PRDM6: variants seen among roughly 807,000 people sequenced by gnomAD.
PRDM6 encodes PR/SET domain 6.
In PRDM6, 25 loss-of-function variants were observed where a neutral mutation model predicts 60.8. The observed-to-expected ratio is 0.41, with a 90% CI of 0.30 to 0.57. The LOEUF (loss-of-function observed/expected upper bound fraction) is 0.57, where lower values mean the gene tolerates loss of function less well. Ranked by LOEUF, PRDM6 falls within the 20% of genes least tolerant of loss-of-function variation. The probability of loss-of-function intolerance (pLI) is 0.27; values close to 1 mark genes in which losing one functional copy is unlikely to be tolerated. For missense variants in PRDM6, 839 were observed against 821.3 expected (o/e 1.02, Z -0.26); for synonymous variants, 407 against 357.4 (o/e 1.14, Z -1.57).
chr5:123,090,039 G>A lies in PRDM6; in HGVS notation c.25G>A (p.Gly9Ser), dbSNP rs1283771301. The A allele has an allele frequency of 1.9e-6, 3 of 1,548,108 alleles. No individual in the cohort carries two copies. The highest frequency in any genetic ancestry group is 1.7e-4 in the Middle Eastern group (1 of 5,970). The stretch of plus-strand genomic sequence containing the variant: ...CATGCTGAAGCCCGGAGACCCCGGC[G>A]GTTCGGCCTTCCTCAAAGTGGACCC... MLKPGDPG[G>S]SAFLKVDPAY... Residue 9 changes from glycine (G) to serine (S), a missense_variant, in exon 2 of 8, where the codon GGT (glycine) becomes AGT (serine). Physicochemically the swap from Gly to Ser is moderately conservative, Grantham distance 56. Around this residue, in one of 2 missense-constraint regions of PRDM6, gnomAD observed 730 missense variants for 648.8 expected, o/e 1.13. Coordinates refer to ENST00000407847, the MANE Select transcript of PRDM6 (RefSeq NM_001136239.4).
chr5:123,126,008 G>T (rs866270042), intron 3 of PRDM6, among the ~76,000 whole-genome samples: 13 of 151,806 alleles, frequency 8.6e-5, no homozygotes, highest in African/African-American at 3.1e-4. Flanking sequence ...GTGTGGGTGG[G>T]TTGGGGGGAG....
In PRDM6 at chr5:123,146,694, A is replaced by T. The variant is rs116615475; in HGVS notation, c.901-9190A>T. On this transcript the variant is annotated intron_variant, in intron 3 of 7. Coordinates refer to ENST00000407847, the MANE Select transcript of PRDM6 (RefSeq NM_001136239.4). ...CATTTGCTAGCCACAGTCTGAGATT[A>T]TTTGCAAGGCAGGATTCTCTGATGC... 6.5e-3 allele frequency among the ~76,000 whole-genome samples: 988 copies of T among 152,280 alleles called. 13 individuals carry two copies. Among genetic ancestry groups the T allele is most frequent in the African/African-American group, 0.023 (943 of 41,566 alleles).
rs1764059228 is a variant in PRDM6, at chr5:123,099,868, G to A, written c.807G>A (p.Gln269=). The change falls in exon 3 of 8, where the codon CAG becomes CAA. Residue 269 remains glutamine (Q), a synonymous_variant. Transcript: ENST00000407847. The surrounding 1 kb of genome is among the most constrained non-coding windows in gnomAD (Gnocchi z 4.0). ...GCATCTGCGCGGCGCAGAGGATCCA[G>A]CAAGGCACCTGGATTGGACCTTTCC... ...AYGICAAQRI[Q]QGTWIGPFQG... 1 of 1,550,522 alleles carries A rather than the reference G, an allele frequency of 6.4e-7. No homozygotes were observed. The highest frequency in any genetic ancestry group is 8.7e-7 in the Non-Finnish European group (1 of 1,146,758).
chr5:123,129,424 C>T (rs577171297), intron 3 of PRDM6, among the ~76,000 whole-genome samples: 21 of 152,072 alleles, frequency 1.4e-4, no homozygotes, highest in Non-Finnish European at 2.1e-4. Flanking sequence ...TGTTAGCGTC[C>T]TCTTGTATTT....
At chr5:123,102,030 GGGT>G (rs1764115314) in intron 3 of PRDM6, among the ~76,000 whole-genome samples, 1 of 152,114 alleles carries the variant, frequency 6.6e-6, no homozygotes, top group East Asian at 1.9e-4. Context: ...AAGACTTGCT[GGGT>G]GTATGCTTGG....
In PRDM6 at chr5:123,099,424, T is replaced by C. The variant is rs898408718; in HGVS notation, c.593-230T>C. On this transcript the variant is annotated intron_variant, in intron 2 of 7. Transcript: ENST00000407847. This position sits in a 1 kb window ranked among gnomAD's most constrained non-coding sequence, Gnocchi z 4.0. The stretch of plus-strand genomic sequence containing the variant: ...AGGCTTTTTGGGGAGCCTAGAGTCC[T>C]GGCCCGGTACCAGGCAGATCTGGGT... 6.6e-6 allele frequency among the ~76,000 whole-genome samples: 1 copy of C among 152,212 alleles called. No individual in the cohort carries two copies. Among genetic ancestry groups the C allele is most frequent in the African/African-American group, 2.4e-5 (1 of 41,460 alleles).
chr5:123,112,282 G>A (rs1383637023), intron 3 of PRDM6, among the ~76,000 whole-genome samples: 1 of 152,178 alleles, frequency 6.6e-6, no homozygotes, highest in Non-Finnish European at 1.5e-5. Flanking sequence ...TCTTAGCAGT[G>A]CTGCATCCAG....
chr5:123,166,260 A>G (rs1331945267), intron 5 of PRDM6, among the ~76,000 whole-genome samples: 1 of 152,024 alleles, frequency 6.6e-6, no homozygotes, highest in Non-Finnish European at 1.5e-5. Flanking sequence ...ACAAGACTCT[A>G]TGGCAAAGCT....
At chr5:123,148,754 A>G (rs1765306245) in intron 3 of PRDM6, among the ~76,000 whole-genome samples, 1 of 152,230 alleles carries the variant, frequency 6.6e-6, no homozygotes, top group African/African-American at 2.4e-5. Context: ...TTTGATTGAT[A>G]AAGAACTTTA....
intron 3 of PRDM6, among the ~76,000 whole-genome samples, chr5:123,109,947 A>G: frequency 6.6e-6 from 1 of 152,226 alleles, no homozygotes; most frequent in East Asian, 1.9e-4. Context: ...TGAATAGAAG[A>G]TCATCTCAGT....
intron 3 of PRDM6, among the ~76,000 whole-genome samples, chr5:123,147,462 AAGAT>A (rs1302347963): frequency 2.0e-5 from 3 of 152,186 alleles, no homozygotes; most frequent in Admixed American, 6.5e-5. Context: ...AAGAGGGAAA[AAGAT>A]AGGTTTGTAG....
intron 3 of PRDM6, among the ~76,000 whole-genome samples, chr5:123,116,713 C>G (rs1489682045): frequency 6.6e-6 from 1 of 151,988 alleles, no homozygotes; most frequent in Non-Finnish European, 1.5e-5. Context: ...CCTGTTGGGA[C>G]CTAGAGGGAC....
intron 4 of PRDM6, among the ~76,000 whole-genome samples, chr5:123,157,062 C>CTTTTT (rs35295245): frequency 1.1e-4 from 16 of 140,526 alleles, no homozygotes; most frequent in African/African-American, 4.2e-4. Context: ...TTTTCCTTTC[C>CTTTTT]TTTTTTTTTT....
intron 2 of PRDM6, among the ~76,000 whole-genome samples, chr5:123,092,542 C>A (rs532323106): frequency 1.3e-5 from 2 of 152,086 alleles, no homozygotes; most frequent in Non-Finnish European, 2.9e-5. Flanking sequence ...GGGTATTGAA[C>A]CAGTTTATTG....
intron 3 of PRDM6, among the ~76,000 whole-genome samples, chr5:123,121,946 G>A (rs34832191): frequency 0.012 from 1,867 of 150,254 alleles, 19 homozygotes; most frequent in Middle Eastern, 0.053. Flanking sequence ...GGCGGATCAC[G>A]AGGTCAGGAG....
At chr5:123,147,997 T>G (rs2126866801) in intron 3 of PRDM6, among the ~76,000 whole-genome samples, 1 of 152,360 alleles carries the variant, frequency 6.6e-6, no homozygotes, top group Middle Eastern at 3.4e-3. Flanking sequence ...TAGCAGTAGC[T>G]GACCCACAGT....
intron 1 of PRDM6, 75 bp from the exon 2 acceptor site, chr5:123,089,925 A>T: frequency 9.0e-7 from 1 of 1,112,840 alleles, no homozygotes; most frequent in Non-Finnish European, 1.3e-6. Context: ...CACTTTCTCC[A>T]GGGTCCCAGT....
In PRDM6 at chr5:123,099,739, C is replaced by A; in HGVS notation, c.678C>A (p.Ser226Arg). 2 of 1,543,026 alleles carry A rather than the reference C, an allele frequency of 1.3e-6. No homozygotes were observed. Among genetic ancestry groups the A allele is most frequent in the Non-Finnish European group, 1.7e-6 (2 of 1,143,840 alleles). ...LHSLRRLVGT[S>R]SAAAAAPPPE... ...CGCTGCGCCGGCTTGTGGGCACCAG[C>A]AGCGCTGCGGCCGCCGCGCCCCCGC... Residue 226 changes from serine (S) to arginine (R), a missense_variant, in exon 3 of 8, where the codon AGC (serine) becomes AGA (arginine). This residue lies in a region of PRDM6 where 730 missense variants were observed against 648.8 expected (regional missense o/e 1.13). Transcript: ENST00000407847. The surrounding 1 kb of genome is among the most constrained non-coding windows in gnomAD (Gnocchi z 4.0).
chr5:123,180,459 A>T, intron 7 of PRDM6, 136 bp downstream of exon 7: 1 of 908,310 alleles, frequency 1.1e-6, no homozygotes, highest in Non-Finnish European at 1.6e-6. Context: ...GCTGCAAACG[A>T]ATCTCTCCTT....
Sources: gnomAD v4.1 joint callset for allele counts (sites outside exome capture counted in the v4.1 genomes callset) on GRCh38, gnomAD v4.1.1 for gene constraint, gnomAD v4.1.1 regional missense constraint, Gnocchi (gnomAD v3.1) non-coding constraint, MANE v1.5 for transcripts, NCBI Gene and HGNC (gene_info 2026-07-23, HGNC 2026-07-21) for gene names.